The following XDH variants were observed in gnomAD, a reference collection of about 807,000 sequenced individuals.
The protein encoded by XDH is xanthine dehydrogenase, also known as xanthine dehydrogenase/oxidase.
Under a neutral mutation model 156.1 loss-of-function variants are expected in XDH, and 138 were observed. The ratio of observed to expected loss-of-function variants is 0.88; its 90% CI spans 0.77 to 1.02. XDH has a LOEUF of 1.02. Ranked by LOEUF, XDH falls within the 50% of genes least tolerant of loss-of-function variation. The pLI is 0.00. For synonymous variants in XDH, 669 were observed against 625.7 expected, an observed-to-expected ratio of 1.07 and a Z score of -1.03; for missense variants, 1,849 against 1,684.9, an observed-to-expected ratio of 1.10 and a Z score of -1.71.
chr2:31,372,510 G>A, intron 16 of XDH, 113 bp from the exon 17 acceptor site: 2 of 1,446,124 alleles, frequency 1.4e-6, no homozygotes, highest in Non-Finnish European at 1.9e-6. Context: ...CAAGGGGTAA[G>A]AATAAAGAAT....
intron 18 of XDH, among the ~76,000 whole-genome samples, chr2:31,369,181 C>T (rs181547867): frequency 6.6e-6 from 1 of 152,190 alleles, no homozygotes; most frequent in East Asian, 1.9e-4. Flanking sequence ...GCTGTAAAGG[C>T]TGTAAGCATC....
At chr2:31,354,930 A>C (rs1014449726) in intron 24 of XDH, among the ~76,000 whole-genome samples, 1 of 152,192 alleles carries the variant, frequency 6.6e-6, no homozygotes, top group African/African-American at 2.4e-5. Flanking sequence ...CAGATTCAAG[A>C]TGCTTGGTGA....
chr2:31,350,333 C>A, intron 24 of XDH, 110 bp from the exon 25 acceptor site: 1 of 990,648 alleles, frequency 1.0e-6, no homozygotes, highest in Non-Finnish European at 1.6e-6. Context: ...CCTCTGCACC[C>A]AAGTTATTTC....
At chr2:31,349,042 T>C in intron 26 of XDH, 62 bp from the exon 27 acceptor site, 2 of 1,492,232 alleles carry the variant, frequency 1.3e-6, no homozygotes, top group Middle Eastern at 3.7e-4. Context: ...TGAATATCTT[T>C]GGATGTTCAC....
In XDH at chr2:31,335,937, ACT is replaced by A. The variant is rs1684959708; in HGVS notation, c.*19_*20del. 6.2e-7 allele frequency: 1 copy of A among 1,613,724 alleles called. No homozygotes were observed. Among genetic ancestry groups the A allele is most frequent in the African/African-American group, 1.3e-5 (1 of 74,840 alleles). On this transcript the variant is annotated 3_prime_UTR_variant, in exon 36 of 36. Coordinates refer to ENST00000379416, the MANE Select transcript of XDH (RefSeq NM_000379.4). ...GGAAGCCCAAAGGCAGCACAAGAAG[ACT>A]CTGCTGAGGACTCTCTCTTTAGACC... is the stretch of plus-strand genomic sequence containing the variant.
At chr2:31,347,432 G>C in intron 29 of XDH, 90 bp downstream of exon 29, 1 of 1,589,888 alleles carries the variant, frequency 6.3e-7, no homozygotes, top group Non-Finnish European at 8.6e-7. Flanking sequence ...GAGCCTGCAA[G>C]GAACCCTTCT....
chr2:31,407,786 TGA>T lies in XDH; in HGVS notation c.43-1824_43-1823del, dbSNP rs373572469. ...TTGACTAAGAGTAATAAAAAGTTCATGAAACTGCCAGAATTTGTCCTTTGAAT... is the reference window on the plus strand; with the variant it reads ...TTGACTAAGAGTAATAAAAAGTTCATAACTGCCAGAATTTGTCCTTTGAAT... On this transcript the variant is annotated intron_variant, in intron 1 of 35. Coordinates refer to ENST00000379416, the MANE Select transcript of XDH (RefSeq NM_000379.4). Among the ~76,000 whole-genome samples, 146 of 152,308 alleles carry T rather than the reference TGA, an allele frequency of 9.6e-4. 1 individual carries two copies. The East Asian group carries it at 0.012, about 13-fold the overall frequency.
intron 1 of XDH, 40 bp downstream of exon 1, chr2:31,414,585 G>A: frequency 6.2e-7 from 1 of 1,612,014 alleles, no homozygotes; most frequent in Non-Finnish European, 8.5e-7. Context: ...TCCCCTCCCA[G>A]GGAGAAGGGA....
At chr2:31,371,208 T>C (rs575514618) in intron 17 of XDH, among the ~76,000 whole-genome samples, 1 of 152,348 alleles carries the variant, frequency 6.6e-6, no homozygotes, top group South Asian at 2.1e-4. Flanking sequence ...CATGCCCCCA[T>C]GGGGAAATAG....
intron 1 of XDH, among the ~76,000 whole-genome samples, chr2:31,407,007 A>G (rs1432306459): frequency 6.6e-6 from 1 of 152,220 alleles, no homozygotes; most frequent in Non-Finnish European, 1.5e-5. Context: ...ACAAAAACCG[A>G]TTTCAGTACT....
Position 31,370,423 on chromosome 2 carries a change from C to T in XDH, c.1912G>A (p.Ala638Thr), listed in dbSNP as rs202112369. ...KVPGFVCFIS[A>T]DDVPGSNITG... ...ATGTTACTCCCAGGAACATCATCAGCGGAAATGAAACAAACAAACCCTGGA... is the reference window on the plus strand; with the variant it reads ...ATGTTACTCCCAGGAACATCATCAGTGGAAATGAAACAAACAAACCCTGGA... Residue 638 changes from alanine (A) to threonine (T), a missense_variant, in exon 18 of 36, where the codon GCT becomes ACT. Physicochemically the swap from Ala to Thr is moderately conservative, Grantham distance 58. Coordinates refer to ENST00000379416, the MANE Select transcript of XDH (RefSeq NM_000379.4). The T allele has an allele frequency of 5.8e-5, 93 of 1,614,024 alleles. No individual in the cohort carries two copies. Among genetic ancestry groups the T allele is most frequent in the Admixed American group, 1.2e-4 (7 of 60,004 alleles).
chr2:31,398,271 G>C lies in XDH; in HGVS notation c.433+302C>G, dbSNP rs1327368023. Among the ~76,000 whole-genome samples, 5 of 152,168 alleles carry C rather than the reference G, an allele frequency of 3.3e-5. No homozygotes were observed. In the East Asian group the frequency reaches 9.6e-4, roughly 29 times the overall value. On this transcript the variant is annotated intron_variant, in intron 5 of 35. Coordinates refer to ENST00000379416, the MANE Select transcript of XDH (RefSeq NM_000379.4). ...CTAGCCCCCGTGGAGTTTTCTAAAT[G>C]ACGTCTTCCTGCACCAGCCATGCAC...
At chr2:31,350,362 C>CA (rs1685434803) in intron 24 of XDH, 139 bp from the exon 25 acceptor site, 1 of 594,462 alleles carries the variant, frequency 1.7e-6, no homozygotes, top group African/African-American at 2.0e-5. Flanking sequence ...GATATTGCAG[C>CA]AGCATCTTTT....
At chr2:31,355,520 G>C (rs542913432) in intron 24 of XDH, among the ~76,000 whole-genome samples, 99 of 152,088 alleles carry the variant, frequency 6.5e-4, no homozygotes, top group Non-Finnish European at 1.6e-4. Flanking sequence ...ATAAAGGGAG[G>C]TAAGTTTTCT....
chr2:31,355,348 C>G (rs1477840214), intron 24 of XDH, among the ~76,000 whole-genome samples: 1 of 152,076 alleles, frequency 6.6e-6, no homozygotes, highest in Non-Finnish European at 1.5e-5. Context: ...AGGAAAAACA[C>G]TATAAGCAAA....
intron 7 of XDH, 90 bp downstream of exon 7, chr2:31,388,136 GC>G: frequency 6.9e-7 from 1 of 1,451,758 alleles, no homozygotes; most frequent in South Asian, 1.2e-5. Context: ...TCCTCTTCCA[GC>G]CCCCACCGCC....
intron 17 of XDH, among the ~76,000 whole-genome samples, chr2:31,370,870 G>C (rs1245545733): frequency 6.6e-6 from 1 of 152,144 alleles, no homozygotes; most frequent in African/African-American, 2.4e-5. Flanking sequence ...GGCAGGCCAG[G>C]CCTCTTTGGA....
intron 6 of XDH, among the ~76,000 whole-genome samples, chr2:31,389,882 A>G (rs369532363): frequency 6.6e-6 from 1 of 151,906 alleles, no homozygotes; most frequent in African/African-American, 2.4e-5. Context: ...TTTAAGGTTC[A>G]CAGAAAAAAC....
chr2:31,357,313 C>T (rs1333490969), intron 24 of XDH, among the ~76,000 whole-genome samples: 1 of 152,028 alleles, frequency 6.6e-6, no homozygotes, highest in African/African-American at 2.4e-5. Flanking sequence ...AAACCCGGGT[C>T]TTTAAAAAGA....
Sources: gnomAD v4.1 joint callset for allele counts (sites outside exome capture counted in the v4.1 genomes callset) on GRCh38, gnomAD v4.1.1 for gene constraint, MANE v1.5 for transcripts, NCBI Gene and HGNC (gene_info 2026-07-23, HGNC 2026-07-21) for gene names.